The following USP42 variants were observed in gnomAD, a reference collection of about 807,000 sequenced individuals.
USP42 encodes ubiquitin specific peptidase 42, also known as ubiquitin carboxyl-terminal hydrolase 42.
USP42 carries 23 observed loss-of-function variants against 113.0 expected under a neutral mutation model. The observed-to-expected ratio is 0.20, with a 90% CI of 0.15 to 0.29. The LOEUF (loss-of-function observed/expected upper bound fraction) is 0.29, where lower values mean the gene tolerates loss of function less well. Among genes scored for constraint, USP42 ranks in the 10% least tolerant of loss-of-function variants. The pLI is 1.00. For synonymous variants in USP42, 933 were observed against 699.0 expected, an observed-to-expected ratio of 1.33 and a Z score of -5.28; for missense variants, 2,174 against 1,779.8, an observed-to-expected ratio of 1.22 and a Z score of -3.99.
upstream of USP42, among the ~76,000 whole-genome samples, chr7:6,100,977 T>A (rs182448175): frequency 1.2e-4 from 18 of 150,990 alleles, no homozygotes; most frequent in Admixed American, 6.6e-5. Flanking sequence ...TGGTACCCAC[T>A]GTCTTAAACC....
At chr7:6,155,278 C>G (rs558105011) in intron 15 of USP42, 83 bp downstream of exon 15, 1 of 1,441,242 alleles carries the variant, frequency 6.9e-7, no homozygotes, top group Non-Finnish European at 9.1e-7. Flanking sequence ...GACTCAGGAA[C>G]AAGTGACCAG....
the USP42 span, among the ~76,000 whole-genome samples, chr7:6,081,424 G>A: frequency 6.6e-6 from 1 of 152,108 alleles, no homozygotes; most frequent in African/African-American, 2.4e-5. Flanking sequence ...TCCACTTTGC[G>A]CTCGCGGGCC....
chr7:6,155,741 A>G lies in USP42; in HGVS notation c.3641+546A>G, dbSNP rs536636997. ...TCTCCATTTTTCAACTTGAAATCCA[A>G]TTGGGAAATTTGCTTCTGTATTTTT... On this transcript the variant is annotated intron_variant, in intron 15 of 17. Transcript: ENST00000306177. 4.6e-5 allele frequency among the ~76,000 whole-genome samples: 7 copies of G among 152,092 alleles called. No homozygotes were observed. In the South Asian group the frequency reaches 8.3e-4, roughly 18 times the overall value.
At chr7:6,145,964 G>A (rs1388334530) in intron 10 of USP42, among the ~76,000 whole-genome samples, 184 bp from the exon 11 acceptor site, 3 of 152,074 alleles carry the variant, frequency 2.0e-5, no homozygotes, top group South Asian at 2.1e-4. Flanking sequence ...CAGCAGCTCC[G>A]GAGGCTGAGG....
intron 2 of USP42, chr7:6,111,922 C>CA (rs1321071056): frequency 7.9e-5 from 12 of 152,830 alleles, no homozygotes; most frequent in African/African-American, 2.7e-4. Flanking sequence ...CCTTTTATTC[C>CA]AGTTTTTTTT....
chr7:6,130,402 G>A (rs1475651606), intron 3 of USP42, among the ~76,000 whole-genome samples: 5 of 152,348 alleles, frequency 3.3e-5, no homozygotes, highest in African/African-American at 1.2e-4. Context: ...TTACCACTGA[G>A]TGATGGTGAC....
intron 3 of USP42, 66 bp from the exon 4 acceptor site, chr7:6,135,775 A>G: frequency 1.2e-6 from 1 of 836,482 alleles, no homozygotes; most frequent in Admixed American, 3.3e-5. Flanking sequence ...CCTGATTTGT[A>G]ATTAGCCTTG....
chr7:6,150,003 G>A lies in USP42; in HGVS notation c.1807G>A (p.Val603Met), dbSNP rs762680263. 67 of 1,613,376 alleles carry A rather than the reference G, an allele frequency of 4.2e-5. No homozygotes were observed. The Middle Eastern group carries it at 8.2e-4, about 20-fold the overall frequency. The change falls in exon 13 of 18, where the codon GTG becomes ATG. Residue 603 changes from valine (V) to methionine (M), a missense_variant. Transcript: ENST00000306177. The stretch of plus-strand genomic sequence containing the variant: ...TGGCAAATCCAAGCTGAACTCCAGC[G>A]TGCTGGTGCCCTATGGCGCCGAGTC... Reference protein sequence around the residue: ...MNGKSKLNSSVLVPYGAESSE... With the variant: ...MNGKSKLNSSMLVPYGAESSE...
At chr7:6,153,690 T>G in intron 14 of USP42, 66 bp from the exon 15 acceptor site, 2 of 1,394,610 alleles carry the variant, frequency 1.4e-6, no homozygotes, top group South Asian at 1.7e-5. Context: ...TTTGTCCTTG[T>G]AATGCAATGA....
rs776633264 is a variant in USP42 at position 6,154,839 on chromosome 7, C to A, written c.3285C>A (p.Asp1095Glu). The A allele has an allele frequency of 6.5e-7, 1 of 1,540,118 alleles. No individual in the cohort carries two copies. Among genetic ancestry groups the A allele is most frequent in the South Asian group, 1.2e-5 (1 of 83,368 alleles). ...GGCTGCACGAGCGGCCGCACAAGGA[C>A]CACAACCGGGGCCGTAGGGGCTGCG... ...RAGLHERPHK[D>E]HNRGRRGCEP... The change falls in exon 15 of 18, where the codon GAC becomes GAA. Residue 1095 changes from aspartate (D) to glutamate (E), a missense_variant. Transcript: ENST00000306177.
At position 6,154,701 on chromosome 7, in the gene USP42, C is replaced by A; in HGVS notation, c.3147C>A (p.Phe1049Leu). 6.2e-7 allele frequency: 1 copy of A among 1,601,696 alleles called. No individual in the cohort carries two copies. The highest frequency in any genetic ancestry group is 8.5e-7 in the Non-Finnish European group (1 of 1,175,178). The change falls in exon 15 of 18, where the codon TTC becomes TTA. Residue 1049 changes from phenylalanine (F) to leucine (L), a missense_variant. Phe to Leu is a conservative substitution (Grantham distance 22, BLOSUM62 0). Coordinates refer to ENST00000306177, the MANE Select transcript of USP42 (RefSeq NM_032172.3). ...AGCGTGGCTGGGGCCGGGAGAAGTT[C>A]TACCCCGACAGGCCGCGCTGGGACA... Reference protein sequence around the residue: ...EGERGWGREKFYPDRPRWDRC... With the variant: ...EGERGWGREKLYPDRPRWDRC...
At chr7:6,090,903 T>C in the USP42 span, among the ~76,000 whole-genome samples, 1 of 149,934 alleles carries the variant, frequency 6.7e-6, no homozygotes, top group African/African-American at 2.5e-5. Flanking sequence ...ATAACTTAAC[T>C]AAAAAGTATT....
At chr7:6,081,714 C>G in the USP42 span, 1 of 152,200 alleles carries the variant, frequency 6.6e-6, no homozygotes, top group African/African-American at 2.4e-5. Context: ...AGAGGGTGAT[C>G]GCGCTGCTGA....
At position 6,159,084 on chromosome 7, in the gene USP42, C is replaced by T. The variant is rs879444596; in HGVS notation, c.3944-366C>T. Among the ~76,000 whole-genome samples, 4 of 152,198 alleles carry T rather than the reference C, an allele frequency of 2.6e-5. No homozygotes were observed. The highest frequency in any genetic ancestry group is 4.4e-5 in the Non-Finnish European group (3 of 68,044). ...CGCTGCCCGGCCCCGCCTCACCCAGCGTCCTGTGGTCCTGCGGGTCCCCCT... is the reference window on the plus strand; with the variant it reads ...CGCTGCCCGGCCCCGCCTCACCCAGTGTCCTGTGGTCCTGCGGGTCCCCCT... On this transcript the variant is annotated intron_variant, in intron 16 of 17. Transcript: ENST00000306177. The surrounding 1 kb of genome is among the most constrained non-coding windows in gnomAD (Gnocchi z 4.1).
At chr7:6,099,753 A>G in the USP42 span, among the ~76,000 whole-genome samples, 1 of 150,790 alleles carries the variant, frequency 6.6e-6, no homozygotes, top group Admixed American at 6.6e-5. Context: ...ATTTGAGGTC[A>G]GGATTTCAAG....
the USP42 span, among the ~76,000 whole-genome samples, chr7:6,099,444 G>A: frequency 6.7e-6 from 1 of 149,536 alleles, no homozygotes; most frequent in Non-Finnish European, 1.5e-5. Context: ...TCAATCTCCT[G>A]ACCTCATGAT....
chr7:6,120,885 G>C (rs1780191919), intron 3 of USP42, among the ~76,000 whole-genome samples: 1 of 152,136 alleles, frequency 6.6e-6, no homozygotes, highest in South Asian at 2.1e-4. Flanking sequence ...CACCCGGCTG[G>C]AATAAATATT....
the USP42 span, among the ~76,000 whole-genome samples, chr7:6,090,169 G>A: frequency 1.0e-4 from 15 of 148,350 alleles, no homozygotes; most frequent in Admixed American, 5.3e-4. Context: ...GCATGGTGGC[G>A]CATGCCTGTA....
intron 17 of USP42, among the ~76,000 whole-genome samples, chr7:6,160,238 T>C (rs1474619107): frequency 6.6e-6 from 1 of 152,214 alleles, no homozygotes; most frequent in Non-Finnish European, 1.5e-5. Context: ...ATTAACAGGC[T>C]TTATCAATGT....
Sources: allele counts gnomAD v4.1 joint callset (sites outside exome capture counted in the v4.1 genomes callset), GRCh38; gene constraint gnomAD v4.1.1; non-coding constraint Gnocchi (gnomAD v3.1); transcripts MANE v1.5; gene names NCBI Gene and HGNC (gene_info 2026-07-23, HGNC 2026-07-21).